UTP18: variants seen among roughly 807,000 people sequenced by gnomAD.
UTP18 encodes UTP18 small subunit processome component.
A neutral mutation model predicts 61.1 loss-of-function variants in UTP18; 36 were observed. The observed-to-expected ratio is 0.59, with a 90% CI of 0.45 to 0.78. The LOEUF (loss-of-function observed/expected upper bound fraction) is 0.78, where lower values mean the gene tolerates loss of function less well. Among genes scored for constraint, UTP18 ranks in the 30% least tolerant of loss-of-function variants. UTP18 has a pLI of 0.00. For missense variants in UTP18, 753 were observed against 693.9 expected, an observed-to-expected ratio of 1.09 and a Z score of -0.96; for synonymous variants, 282 against 251.1, an observed-to-expected ratio of 1.12 and a Z score of -1.16.
At chr17:51,275,197 C>CAA (rs1198501496) in intron 5 of UTP18, among the ~76,000 whole-genome samples, 32 of 100,866 alleles carry the variant, frequency 3.2e-4, no homozygotes, top group African/African-American at 7.4e-4. Context: ...AACCCAGTCT[C>CAA]AAAAAAAAAA....
chr17:51,268,627 C>T (rs1216643897), intron 3 of UTP18, among the ~76,000 whole-genome samples: 1 of 152,106 alleles, frequency 6.6e-6, no homozygotes, highest in East Asian at 1.9e-4. Flanking sequence ...TTTAAGTGGG[C>T]AGAGGTTCAT....
At chr17:51,269,895 C>T (rs576068598) in intron 4 of UTP18, among the ~76,000 whole-genome samples, 14 of 151,900 alleles carry the variant, frequency 9.2e-5, no homozygotes, top group South Asian at 8.3e-4. Flanking sequence ...CACTCTGTCA[C>T]CCAGGGCTGG....
At chr17:51,261,765 G>GA (rs1272275673) in intron 1 of UTP18, among the ~76,000 whole-genome samples, 2 of 152,004 alleles carry the variant, frequency 1.3e-5, no homozygotes, top group African/African-American at 4.8e-5. Context: ...GGGGGCAGAG[G>GA]AAAGCTCACC....
rs1395054642 is a variant in UTP18, at chr17:51,261,842, C to A, written c.342+916C>A. Among the ~76,000 whole-genome samples the A allele has an allele frequency of 2.0e-5, 3 of 152,044 alleles. No homozygotes were observed. The East Asian group carries it at 5.8e-4, about 29-fold the overall frequency. ...AGTTAATGTCAGCTGCTTACCAGAG[C>A]CGCCTTCGGGTGCTTGTAGGAGAAG... is the stretch of plus-strand genomic sequence containing the variant. On this transcript the variant is annotated intron_variant, in intron 1 of 13. Coordinates refer to ENST00000225298, the MANE Select transcript of UTP18 (RefSeq NM_016001.3).
rs1269864454 is a variant in UTP18, at chr17:51,263,312, G to A, written c.381G>A (p.Glu127=). The A allele has an allele frequency of 2.5e-6, 4 of 1,614,224 alleles. No individual in the cohort carries two copies. Among genetic ancestry groups the A allele is most frequent in the East Asian group, 2.2e-5 (1 of 44,892 alleles). The change falls in exon 2 of 14, where the codon GAG becomes GAA. Residue 127 remains glutamate (E), a synonymous_variant. Transcript: ENST00000225298. The part of the protein sequence containing the change: ...EHEDSGDSEV[E]NEAKGNFPPQ... ...AAGACTCGGGTGACTCAGAAGTGGAGAATGAAGCAAAAGGTAATTTTCCAC... is the reference window on the plus strand; with the variant it reads ...AAGACTCGGGTGACTCAGAAGTGGAAAATGAAGCAAAAGGTAATTTTCCAC...
chr17:51,265,316 T>A (rs1027538226), intron 2 of UTP18, among the ~76,000 whole-genome samples: 15 of 151,010 alleles, frequency 9.9e-5, no homozygotes, highest in African/African-American at 3.6e-4. Flanking sequence ...TGGGCTAGAG[T>A]GTAGTGGTGC....
chr17:51,289,036 A>G (rs1423463151), intron 11 of UTP18, among the ~76,000 whole-genome samples: 1 of 152,186 alleles, frequency 6.6e-6, no homozygotes, highest in African/African-American at 2.4e-5. Context: ...AAGAAAAGCC[A>G]GGTGTTTAGC....
intron 6 of UTP18, among the ~76,000 whole-genome samples, chr17:51,276,405 T>C (rs1264209123): frequency 6.6e-6 from 1 of 152,242 alleles, no homozygotes; most frequent in Non-Finnish European, 1.5e-5. Flanking sequence ...AAAATAGTGG[T>C]TTAAAATAAT....
intron 5 of UTP18, 109 bp from the exon 6 acceptor site, chr17:51,275,757 A>G (rs1418528149): frequency 9.5e-7 from 1 of 1,048,468 alleles, no homozygotes; most frequent in East Asian, 3.3e-5. Flanking sequence ...TTACCATTCC[A>G]GTGCATTTTT....
chr17:51,275,721 G>GTTT, intron 5 of UTP18, 145 bp from the exon 6 acceptor site: 7 of 654,376 alleles, frequency 1.1e-5, no homozygotes, highest in South Asian at 5.3e-5. Flanking sequence ...TTTGTTTTTT[G>GTTT]TTTTTTTTTT....
rs78613922 is a variant in UTP18, at chr17:51,274,185, T to G, written c.711+735T>G. ...TTTGCTCTTTCTCTTTTGTTCTGCC[T>G]GCCTTGTCTTCAGGAAGTCCTAATG... On this transcript the variant is annotated intron_variant, in intron 5 of 13. Coordinates refer to ENST00000225298, the MANE Select transcript of UTP18 (RefSeq NM_016001.3). Among the ~76,000 whole-genome samples, 1,141 of 152,334 alleles carry G rather than the reference T, an allele frequency of 7.5e-3. 15 individuals carry two copies. Among genetic ancestry groups the G allele is most frequent in the African/African-American group, 0.026 (1,090 of 41,562 alleles).
chr17:51,283,224 A>G (rs1372608217), intron 9 of UTP18, among the ~76,000 whole-genome samples: 2 of 147,450 alleles, frequency 1.4e-5, no homozygotes, highest in Non-Finnish European at 3.0e-5. Flanking sequence ...GCTGGAGTGC[A>G]GTGGTGTGAT....
intron 9 of UTP18, among the ~76,000 whole-genome samples, chr17:51,281,042 C>G (rs906820681): frequency 3.3e-5 from 5 of 150,902 alleles, no homozygotes; most frequent in South Asian, 4.2e-4. Context: ...GCCAGGCATG[C>G]TGGCGCTCGC....
chr17:51,276,069 A>G (rs1167955601), intron 6 of UTP18, 78 bp downstream of exon 6: 2 of 1,351,122 alleles, frequency 1.5e-6, no homozygotes, highest in Middle Eastern at 1.9e-4. Flanking sequence ...CCCCAAATGC[A>G]AAAATACTGA....
In UTP18 at chr17:51,289,794, G is replaced by A. The variant is rs143209720; in HGVS notation, c.1503+1591G>A. Among the ~76,000 whole-genome samples the A allele has an allele frequency of 5.5e-3, 833 of 152,292 alleles. 4 individuals are homozygous for A. Among genetic ancestry groups the A allele is most frequent in the Middle Eastern group, 0.031 (9 of 294 alleles). ...TCACTTGGCAAAAAGCCTTGCATCTGCCATCAGCTTTGTATTAGAATATAT... is the reference window on the plus strand; with the variant it reads ...TCACTTGGCAAAAAGCCTTGCATCTACCATCAGCTTTGTATTAGAATATAT... On this transcript the variant is annotated intron_variant, in intron 11 of 13. Coordinates refer to ENST00000225298, the MANE Select transcript of UTP18 (RefSeq NM_016001.3).
At chr17:51,291,273 A>G (rs527808796) in intron 11 of UTP18, among the ~76,000 whole-genome samples, 1 of 152,320 alleles carries the variant, frequency 6.6e-6, no homozygotes, top group East Asian at 1.9e-4. Flanking sequence ...AATAGATGTC[A>G]GAGCACAGCA....
chr17:51,263,546 G>A (rs974379364), intron 2 of UTP18, among the ~76,000 whole-genome samples, 160 bp downstream of exon 2: 1 of 152,158 alleles, frequency 6.6e-6, no homozygotes, highest in Non-Finnish European at 1.5e-5. Context: ...TCCCACCACC[G>A]AGGGAGAACT....
At chr17:51,297,555 CTGTT>C (rs563244984) in intron 13 of UTP18, among the ~76,000 whole-genome samples, 178 of 152,288 alleles carry the variant, frequency 1.2e-3, no homozygotes, top group African/African-American at 4.0e-3. Context: ...TCACAGTTGA[CTGTT>C]TGGTCTCCTC....
chr17:51,267,077 C>T (rs1483388937), intron 3 of UTP18, among the ~76,000 whole-genome samples: 1 of 152,200 alleles, frequency 6.6e-6, no homozygotes, highest in Non-Finnish European at 1.5e-5. Context: ...ATCCTCCCAC[C>T]TCAGCCTCCC....
Sources: gnomAD v4.1 joint callset for allele counts (sites outside exome capture counted in the v4.1 genomes callset) on GRCh38, gnomAD v4.1.1 for gene constraint, MANE v1.5 for transcripts, NCBI Gene and HGNC (gene_info 2026-07-23, HGNC 2026-07-21) for gene names.